The following CACNB4 variants were observed in gnomAD, a reference collection of about 807,000 sequenced individuals.
CACNB4 encodes calcium voltage-gated channel auxiliary subunit beta 4.
Under a neutral mutation model 71.2 loss-of-function variants are expected in CACNB4, and 32 were observed. That is an observed-to-expected ratio of 0.45 (90% CI 0.34 to 0.60). The LOEUF is 0.60. CACNB4 is among the 20% of genes least tolerant of loss of function. The pLI, the probability that CACNB4 is intolerant of heterozygous loss-of-function variation, is 0.01. For synonymous variants in CACNB4, 231 were observed against 236.9 expected (o/e 0.97, Z 0.23); for missense variants, 464 against 647.9 (o/e 0.72, Z 3.08).
At chr2:151,878,616 G>A (rs1431113625) in intron 4 of CACNB4, among the ~76,000 whole-genome samples, 1 of 23,330 alleles carries the variant, frequency 4.3e-5, no homozygotes, top group East Asian at 2.9e-3. Context: ...TGTAGTCCTA[G>A]TGTACTACAC....
intron 2 of CACNB4, among the ~76,000 whole-genome samples, chr2:152,002,228 T>C (rs1000956607): frequency 2.0e-5 from 3 of 152,212 alleles, no homozygotes; most frequent in African/African-American, 7.2e-5. Flanking sequence ...AAGAGGCTTT[T>C]TTTGTTCCTC....
chr2:152,087,425 C>T (rs1687721676), intron 2 of CACNB4, among the ~76,000 whole-genome samples: 1 of 144,284 alleles, frequency 6.9e-6, no homozygotes, highest in Admixed American at 6.9e-5. Context: ...GAACGGGACC[C>T]CATCTCAAAA....
intron 2 of CACNB4, among the ~76,000 whole-genome samples, chr2:151,956,831 T>C (rs2099868383): frequency 6.6e-6 from 1 of 152,220 alleles, no homozygotes; most frequent in African/African-American, 2.4e-5. Flanking sequence ...CATCATATTC[T>C]GGCTCTTTTA....
chr2:152,016,783 T>C (rs953201397), intron 2 of CACNB4, among the ~76,000 whole-genome samples: 11 of 152,248 alleles, frequency 7.2e-5, no homozygotes, highest in African/African-American at 2.7e-4. Context: ...AGCCACAAAA[T>C]ATATGGTACA....
intron 2 of CACNB4, among the ~76,000 whole-genome samples, chr2:151,987,395 C>T (rs112512014): frequency 8.9e-4 from 136 of 152,306 alleles, no homozygotes; most frequent in Middle Eastern, 3.4e-3. Context: ...GTTTCTCTCT[C>T]TCCATGGGCT....
chr2:151,845,525 A>G (rs935637690), intron 12 of CACNB4, among the ~76,000 whole-genome samples: 2 of 152,246 alleles, frequency 1.3e-5, no homozygotes, highest in African/African-American at 4.8e-5. Context: ...AAAAGAAGCA[A>G]CCCAATGAAT....
intron 2 of CACNB4, among the ~76,000 whole-genome samples, chr2:152,079,700 C>T (rs537938066): frequency 2.6e-5 from 4 of 152,184 alleles, no homozygotes; most frequent in Non-Finnish European, 5.9e-5. Context: ...GTGGAAGGAT[C>T]GCTTGAGCCC....
chr2:152,004,260 C>G (rs1379197889), intron 2 of CACNB4, among the ~76,000 whole-genome samples: 1 of 152,118 alleles, frequency 6.6e-6, no homozygotes, highest in African/African-American at 2.4e-5. Context: ...GAACCCCTGG[C>G]AAACTCTCCT....
chr2:151,887,092 G>A (rs1180361161), intron 2 of CACNB4, among the ~76,000 whole-genome samples: 2 of 149,422 alleles, frequency 1.3e-5, no homozygotes, highest in African/African-American at 5.0e-5. Context: ...AGAGAGAGAT[G>A]GCAAGAAGGA....
At position 151,834,919 on chromosome 2, in the gene CACNB4, A is replaced by C. The variant is rs1003676160; in HGVS notation, c.*4200T>G. 1.3e-5 allele frequency: 2 copies of C among 151,998 alleles called. No homozygotes were observed. The highest frequency in any genetic ancestry group is 1.3e-4 in the Admixed American group (2 of 15,268). 9.4% of individuals were successfully genotyped at this position (151,998 alleles called of 1,614,324 possible). On this transcript the variant is annotated 3_prime_UTR_variant, in exon 14 of 14. Coordinates refer to ENST00000539935, the MANE Select transcript of CACNB4 (RefSeq NM_000726.5). ...TATAATTTAAAAAAACACAACATGC[A>C]ACATTGTCATAAAAGACAAAGGCAG... is the stretch of plus-strand genomic sequence containing the variant.
chr2:152,043,212 G>A (rs1025244448), intron 2 of CACNB4, among the ~76,000 whole-genome samples: 6 of 152,182 alleles, frequency 3.9e-5, no homozygotes, highest in South Asian at 4.1e-4. Flanking sequence ...CGCCTATGGA[G>A]CAGACACTCT....
At position 152,098,823 on chromosome 2, in the gene CACNB4, C is replaced by T; in HGVS notation, c.63+126G>A. 1.8e-6 allele frequency: 1 copy of T among 551,330 alleles called. No individual in the cohort carries two copies. Among genetic ancestry groups the T allele is most frequent in the East Asian group, 5.3e-5 (1 of 18,830 alleles). 34.2% of individuals were successfully genotyped at this position (551,330 alleles called of 1,614,324 possible). A position where few individuals can be genotyped will look rare whatever the true frequency, so the allele number is the denominator to read the frequency against. ...GGACGTGGAGGAGGGGTGGGGGGAG[C>T]GGGGCCGCCGACTCCCGGGACTGGG... is the stretch of plus-strand genomic sequence containing the variant. On this transcript the variant is annotated intron_variant, in intron 1 of 13. Transcript: ENST00000539935. This position sits in a 1 kb window ranked among gnomAD's most constrained non-coding sequence, Gnocchi z 5.3.
At chr2:152,028,160 T>C (rs536499311) in intron 2 of CACNB4, among the ~76,000 whole-genome samples, 4 of 152,090 alleles carry the variant, frequency 2.6e-5, no homozygotes, top group Non-Finnish European at 5.9e-5. Flanking sequence ...TACAATCCCC[T>C]CTAAACTCAA....
At chr2:151,932,474 G>C (rs148551826) in intron 2 of CACNB4, among the ~76,000 whole-genome samples, 26 of 152,260 alleles carry the variant, frequency 1.7e-4, no homozygotes, top group African/African-American at 6.0e-4. Context: ...TCTGATATGA[G>C]TTGAATTATG....
chr2:151,857,879 A>C (rs1030176009), intron 10 of CACNB4: 1 of 152,206 alleles, frequency 6.6e-6, no homozygotes, highest in Admixed American at 6.5e-5. Flanking sequence ...CCTACTGCTT[A>C]ACCAACACAA....
intron 9 of CACNB4, among the ~76,000 whole-genome samples, chr2:151,863,516 A>G (rs7419564): frequency 0.64 from 97,757 of 152,106 alleles, 35,847 homozygotes; most frequent in Non-Finnish European, 0.82. Flanking sequence ...TTCTAGACCA[A>G]TGATTTTTGG....
chr2:151,982,418 G>A (rs1219242180), intron 2 of CACNB4, among the ~76,000 whole-genome samples: 1 of 152,092 alleles, frequency 6.6e-6, no homozygotes, highest in African/African-American at 2.4e-5. Context: ...CAGATCACGA[G>A]GTCAGGAGAT....
In CACNB4 at chr2:152,074,314, C is replaced by T. The variant is rs931983879; in HGVS notation, c.147+24016G>A. On this transcript the variant is annotated intron_variant, in intron 2 of 13. Coordinates refer to ENST00000539935, the MANE Select transcript of CACNB4 (RefSeq NM_000726.5). ...ACCACCATCACCGCTTTACCACCAT[C>T]GCCGCCACCAGCACCCTCACCACTA... is the stretch of plus-strand genomic sequence containing the variant. Among the ~76,000 whole-genome samples, 37 of 152,024 alleles carry T rather than the reference C, an allele frequency of 2.4e-4. No homozygotes were observed. The Middle Eastern group carries it at 0.01, about 42-fold the overall frequency.
At chr2:151,957,379 G>T (rs933107344) in intron 2 of CACNB4, among the ~76,000 whole-genome samples, 20 of 150,856 alleles carry the variant, frequency 1.3e-4, no homozygotes, top group African/African-American at 4.9e-4. Context: ...ATTCCTGGAG[G>T]AATTAAAGTT....
Sources: allele counts gnomAD v4.1 joint callset (sites outside exome capture counted in the v4.1 genomes callset), GRCh38; gene constraint gnomAD v4.1.1; non-coding constraint Gnocchi (gnomAD v3.1); transcripts MANE v1.5; gene names NCBI Gene and HGNC (gene_info 2026-07-23, HGNC 2026-07-21).